STK4: variants seen among roughly 807,000 people sequenced by gnomAD.
STK4 encodes serine/threonine kinase 4.
STK4 carries 30 observed loss-of-function variants against 64.9 expected under a neutral mutation model. The observed-to-expected ratio is 0.46, with a 90% CI of 0.35 to 0.63. The LOEUF is 0.63. Ranked by LOEUF, STK4 falls within the 20% of genes least tolerant of loss-of-function variation. The pLI is 0.01. For synonymous variants in STK4, 177 were observed against 199.0 expected, an observed-to-expected ratio of 0.89 and a Z score of 0.93; for missense variants, 466 against 598.5, an observed-to-expected ratio of 0.78 and a Z score of 2.31.
chr20:45,055,212 T>C (rs1978362048), intron 10 of STK4, among the ~76,000 whole-genome samples: 1 of 152,192 alleles, frequency 6.6e-6, no homozygotes, highest in Admixed American at 6.5e-5. Flanking sequence ...AGAAATATCA[T>C]GGTTGTCTCT....
chr20:45,042,569 A>C (rs1404031450), intron 10 of STK4, among the ~76,000 whole-genome samples: 1 of 152,202 alleles, frequency 6.6e-6, no homozygotes, highest in South Asian at 2.1e-4. Flanking sequence ...AGTGAAATAC[A>C]ACGCAATTAG....
chr20:44,972,421 T>G, intron 2 of STK4: 1 of 291,562 alleles, frequency 3.4e-6, no homozygotes, highest in Non-Finnish European at 6.3e-6. Context: ...ATAGCACTAA[T>G]TAGATTAAAA....
At chr20:45,043,195 T>A (rs1457950681) in intron 10 of STK4, among the ~76,000 whole-genome samples, 6 of 152,208 alleles carry the variant, frequency 3.9e-5, no homozygotes, top group Non-Finnish European at 8.8e-5. Context: ...CCTTCCTTTT[T>A]ATGGCTGCAT....
At chr20:45,009,663 G>A (rs1444762680) in intron 9 of STK4, among the ~76,000 whole-genome samples, 1 of 152,176 alleles carries the variant, frequency 6.6e-6, no homozygotes, top group Non-Finnish European at 1.5e-5. Flanking sequence ...TCCTATCCGT[G>A]AGCATACAAT....
chr20:45,007,533 C>T (rs558048045), intron 9 of STK4, among the ~76,000 whole-genome samples: 105 of 150,874 alleles, frequency 7.0e-4, no homozygotes, highest in African/African-American at 2.2e-3. Context: ...GGTGACAGAG[C>T]GAGACTCCAT....
At chr20:45,038,546 C>G (rs2068563023) in intron 10 of STK4, among the ~76,000 whole-genome samples, 1 of 152,004 alleles carries the variant, frequency 6.6e-6, no homozygotes, top group Non-Finnish European at 1.5e-5. Context: ...CTCTGAGATA[C>G]TGTTGGAGAA....
chr20:44,982,129 C>G (rs1401939278), intron 4 of STK4, among the ~76,000 whole-genome samples, 186 bp downstream of exon 4: 1 of 53,522 alleles, frequency 1.9e-5, no homozygotes, highest in Non-Finnish European at 3.7e-5. Context: ...TTTTTTTTTT[C>G]AAGAGACCAG....
At chr20:44,986,977 G>A (rs1427060425) in intron 4 of STK4, among the ~76,000 whole-genome samples, 155 bp from the exon 5 acceptor site, 2 of 152,154 alleles carry the variant, frequency 1.3e-5, no homozygotes, top group Non-Finnish European at 2.9e-5. Flanking sequence ...AGCCTTGGGA[G>A]TGGTCAGTGT....
chr20:45,000,838 A>G (rs1158084292), intron 8 of STK4, among the ~76,000 whole-genome samples: 1 of 152,152 alleles, frequency 6.6e-6, no homozygotes, highest in Non-Finnish European at 1.5e-5. Context: ...TGGGATCCAT[A>G]CTTAACATGT....
intron 4 of STK4, among the ~76,000 whole-genome samples, chr20:44,986,691 A>G (rs749247565): frequency 6.6e-6 from 1 of 152,234 alleles, no homozygotes; most frequent in Non-Finnish European, 1.5e-5. Flanking sequence ...CATGGTGATT[A>G]CAGAGGGTGT....
intron 4 of STK4, among the ~76,000 whole-genome samples, chr20:44,983,471 G>A (rs1452660846): frequency 6.6e-6 from 1 of 152,108 alleles, no homozygotes; most frequent in African/African-American, 2.4e-5. Context: ...TTAGTCAAGT[G>A]TGGTGTCATG....
chr20:44,981,757 T>C (rs1002731632), intron 3 of STK4, 72 bp from the exon 4 acceptor site: 30 of 885,892 alleles, frequency 3.4e-5, no homozygotes, highest in Non-Finnish European at 5.0e-5. Flanking sequence ...TTAATTTGTA[T>C]ATACTTGCTA....
In STK4 at chr20:45,000,519, C is replaced by T; in HGVS notation, c.959C>T (p.Ser320Leu). ...GTGGACCAGGACGATGAAGAAAACT[C>T]AGTGAGTGGCAGCCGTTGCTGTGGG... ...REVDQDDEEN[S>L]EEDEMDSGTM... Residue 320 changes from serine (S) to leucine (L), a missense_variant and splice_region_variant, in exon 8 of 11, where the codon TCA becomes TTA. Ser to Leu is a moderately radical substitution (Grantham distance 145). Around this residue, in one of 2 missense-constraint regions of STK4, gnomAD observed 276 missense variants for 308.9 expected, o/e 0.89. Transcript: ENST00000372806. 6.2e-7 allele frequency: 1 copy of T among 1,613,724 alleles called. No individual in the cohort carries two copies. The highest frequency in any genetic ancestry group is 8.5e-7 in the Non-Finnish European group (1 of 1,179,840).
intron 9 of STK4, among the ~76,000 whole-genome samples, chr20:45,005,712 T>C (rs2067930593): frequency 6.6e-6 from 1 of 151,936 alleles, no homozygotes; most frequent in Admixed American, 6.5e-5. Context: ...CAATACAATT[T>C]ATGAACATAG....
At chr20:45,059,152 A>C (rs1978765621) in intron 10 of STK4, among the ~76,000 whole-genome samples, 1 of 152,232 alleles carries the variant, frequency 6.6e-6, no homozygotes, top group African/African-American at 2.4e-5. Context: ...TTCTATCTTA[A>C]CCAAGCGCTT....
chr20:44,972,370 T>A (rs2067263443), intron 2 of STK4: 2 of 448,678 alleles, frequency 4.5e-6, no homozygotes, highest in South Asian at 8.2e-5. Context: ...ATCTATTGTT[T>A]TCTCTTTTGT....
At chr20:44,968,380 G>T (rs1202951919) in intron 1 of STK4, among the ~76,000 whole-genome samples, 2 of 152,156 alleles carry the variant, frequency 1.3e-5, no homozygotes, top group African/African-American at 4.8e-5. Context: ...CTCGTGATCC[G>T]CCCACCTTGG....
intron 1 of STK4, among the ~76,000 whole-genome samples, chr20:44,970,236 TA>T (rs969042690): frequency 9.9e-4 from 137 of 138,690 alleles, no homozygotes; most frequent in African/African-American, 3.4e-3. Context: ...TAATAATAAT[TA>T]AAAAAAAAGA....
At chr20:45,032,691 T>C (rs2068465388) in intron 10 of STK4, among the ~76,000 whole-genome samples, 2 of 152,234 alleles carry the variant, frequency 1.3e-5, no homozygotes, top group South Asian at 4.1e-4. Flanking sequence ...TTTAGGTTAA[T>C]TTCATGTTTT....
Sources: gnomAD v4.1 joint callset for allele counts (sites outside exome capture counted in the v4.1 genomes callset) on GRCh38, gnomAD v4.1.1 for gene constraint, gnomAD v4.1.1 regional missense constraint, MANE v1.5 for transcripts, NCBI Gene and HGNC (gene_info 2026-07-23, HGNC 2026-07-21) for gene names.